AIMP1: variants seen among roughly 807,000 people sequenced by gnomAD.
The protein encoded by AIMP1 is aminoacyl tRNA synthetase complex interacting multifunctional protein 1, also known as aminoacyl tRNA synthase complex-interacting multifunctional protein 1.
AIMP1 carries 24 observed loss-of-function variants against 33.1 expected under a neutral mutation model. The observed-to-expected ratio is 0.73, with a 90% CI of 0.53 to 1.02. AIMP1 has a LOEUF of 1.02. AIMP1 is among the 50% of genes least tolerant of loss of function. AIMP1 has a pLI of 0.00. For missense variants in AIMP1, 367 were observed against 364.8 expected, an observed-to-expected ratio of 1.01 and a Z score of -0.05; for synonymous variants, 120 against 121.5, an observed-to-expected ratio of 0.99 and a Z score of 0.08.
Position 106,328,168 on chromosome 4 carries a change from T to A in AIMP1, c.316T>A (p.Ser106Thr). 6.2e-7 allele frequency: 1 copy of A among 1,613,508 alleles called. No individual in the cohort carries two copies. Among genetic ancestry groups the A allele is most frequent in the Non-Finnish European group, 8.5e-7 (1 of 1,179,674 alleles). ...VIQSTAVTTVSSGTKEQIKGG... is the reference protein window; with the variant it reads ...VIQSTAVTTVTSGTKEQIKGG... ...ACAGTCTACAGCAGTAACAACCGTA[T>A]CTTCTGGTACCAAAGAACAGATAAA... Residue 106 changes from serine to threonine, a missense_variant, in exon 4 of 7, where the codon TCT becomes ACT. By Grantham distance (58) the Ser-to-Thr change is moderately conservative. Coordinates refer to ENST00000672341, the MANE Select transcript of AIMP1 (RefSeq NM_001142416.2).
At chr4:106,342,164 A>G (rs1259389241) in intron 6 of AIMP1, among the ~76,000 whole-genome samples, 3 of 152,220 alleles carry the variant, frequency 2.0e-5, no homozygotes, top group African/African-American at 4.8e-5. Flanking sequence ...TACTAAAGTC[A>G]TTTATCAGCT....
rs1299480071 is a variant in AIMP1, at chr4:106,325,053, G to A, written c.44G>A (p.Gly15Asp). 1.2e-6 allele frequency: 2 copies of A among 1,613,076 alleles called. No homozygotes were observed. Among genetic ancestry groups the A allele is most frequent in the African/African-American group, 1.3e-5 (1 of 74,886 alleles). Residue 15 changes from glycine to aspartate, a missense_variant, in exon 2 of 7, where the codon GGT becomes GAT. Physicochemically the swap from Gly to Asp is moderately conservative, Grantham distance 94 (BLOSUM62 -1). Transcript: ENST00000672341. ...DAVLKRLEQK[G>D]AEADQIIEYL... ...GTTCTGAAGAGACTGGAGCAGAAGG[G>A]TGCAGAGGCAGATCAAATCATTGAA...
At chr4:106,345,079 A>G (rs1237575841) in intron 6 of AIMP1, among the ~76,000 whole-genome samples, 1 of 152,188 alleles carries the variant, frequency 6.6e-6, no homozygotes, top group African/African-American at 2.4e-5. Context: ...AGTAAGCACT[A>G]TATACGTGTT....
chr4:106,340,411 G>A (rs1422975093), intron 6 of AIMP1, among the ~76,000 whole-genome samples: 2 of 151,990 alleles, frequency 1.3e-5, no homozygotes, highest in Non-Finnish European at 2.9e-5. Flanking sequence ...TACCTAATAG[G>A]TAATTTTAGA....
chr4:106,347,830 A>G lies in AIMP1; in HGVS notation c.*138A>G, dbSNP rs992261459. On this transcript the variant is annotated 3_prime_UTR_variant, in exon 7 of 7. Transcript: ENST00000672341. ...AGACTTGACTAGTCATTTACTTGGTATATATTGTTTTCATTGATTGGGGAA... is the reference window on the plus strand; with the variant it reads ...AGACTTGACTAGTCATTTACTTGGTGTATATTGTTTTCATTGATTGGGGAA... The G allele has an allele frequency of 8.0e-6, 7 of 877,658 alleles. 1 individual carries two copies. Among genetic ancestry groups the G allele is most frequent in the South Asian group, 7.6e-5 (4 of 52,332 alleles). 54.4% of individuals were successfully genotyped at this position (877,658 alleles called of 1,614,324 possible). A position where few individuals can be genotyped will look rare whatever the true frequency, so the allele number is the denominator to read the frequency against.
At chr4:106,319,966 G>A (rs891906467) in intron 1 of AIMP1, among the ~76,000 whole-genome samples, 9 of 152,130 alleles carry the variant, frequency 5.9e-5, no homozygotes, top group Admixed American at 2.0e-4. Flanking sequence ...ATTACATGAG[G>A]CAAATTAATT....
intron 1 of AIMP1, among the ~76,000 whole-genome samples, chr4:106,321,095 A>C (rs1769207278): frequency 1.3e-5 from 2 of 152,284 alleles, no homozygotes; most frequent in Non-Finnish European, 2.9e-5. Flanking sequence ...TTGGCTCGCT[A>C]CAACCTCCAC....
chr4:106,316,465 A>C (rs1768889626), upstream of AIMP1: 1 of 1,370,942 alleles, frequency 7.3e-7, no homozygotes, highest in Non-Finnish European at 1.0e-6. Flanking sequence ...TGAGGGTTGA[A>C]TCTGTAGAAC....
In AIMP1 at chr4:106,325,102, A is replaced by G. The variant is rs944427175; in HGVS notation, c.93A>G (p.Leu31=). ...AATATCTTAAGCAGCAAGTTTCTCTACTTAAGGAGAAAGCAAGTAAGAAAA... is the reference window on the plus strand; with the variant it reads ...AATATCTTAAGCAGCAAGTTTCTCTGCTTAAGGAGAAAGCAAGTAAGAAAA... ...IIEYLKQQVS[L]LKEKAILQAT... The change falls in exon 2 of 7, where the codon CTA becomes CTG. Residue 31 remains leucine (L), a synonymous_variant. Transcript: ENST00000672341. 21 of 1,612,482 alleles carry G rather than the reference A, an allele frequency of 1.3e-5. No homozygotes were observed. Among genetic ancestry groups the G allele is most frequent in the African/African-American group, 4.0e-5 (3 of 74,988 alleles).
intron 5 of AIMP1, among the ~76,000 whole-genome samples, chr4:106,332,219 C>G (rs747712497): frequency 4.0e-5 from 6 of 151,734 alleles, no homozygotes; most frequent in Non-Finnish European, 8.8e-5. Flanking sequence ...TAAGTAACAA[C>G]AAAATACAAA....
chr4:106,319,295 G>C (rs900611555), intron 1 of AIMP1, among the ~76,000 whole-genome samples: 1 of 152,102 alleles, frequency 6.6e-6, no homozygotes, highest in African/African-American at 2.4e-5. Context: ...GGGTGGGGAG[G>C]ACTACTGAGG....
chr4:106,316,214 T>C, upstream of AIMP1: 2 of 239,160 alleles, frequency 8.4e-6, no homozygotes, highest in Non-Finnish European at 1.6e-5. Context: ...CCCTCTACCC[T>C]CCCCTCAGCC....
intron 6 of AIMP1, among the ~76,000 whole-genome samples, chr4:106,341,712 T>G (rs1303197549): frequency 6.6e-6 from 1 of 152,172 alleles, no homozygotes; most frequent in African/African-American, 2.4e-5. Context: ...TAGTTTGAAG[T>G]TGGGTAGTGT....
chr4:106,336,354 A>G (rs1202463175), intron 5 of AIMP1, among the ~76,000 whole-genome samples: 2 of 152,048 alleles, frequency 1.3e-5, no homozygotes, highest in African/African-American at 4.8e-5. Flanking sequence ...TTTTTTTTAA[A>G]TTAAAAAATA....
chr4:106,326,188 T>A (rs1769448104), intron 2 of AIMP1, among the ~76,000 whole-genome samples: 1 of 152,204 alleles, frequency 6.6e-6, no homozygotes, highest in African/African-American at 2.4e-5. Context: ...TGGTACTTGA[T>A]TCATAGAAAA....
rs565952125 is a variant in AIMP1 at position 106,341,168 on chromosome 4, T to C, written c.772+4131T>C. ...AGATATTAGAGTTTTGTTGGATGCA[T>C]AGTTTGCGAATATTTTTTCCCATTC... On this transcript the variant is annotated intron_variant, in intron 6 of 6. Transcript: ENST00000672341. Among the ~76,000 whole-genome samples, 3 of 152,348 alleles carry C rather than the reference T, an allele frequency of 2.0e-5. No homozygotes were observed. In the South Asian group the frequency reaches 6.2e-4, roughly 32 times the overall value.
chr4:106,334,959 T>C (rs888914744), intron 5 of AIMP1, among the ~76,000 whole-genome samples: 1 of 152,152 alleles, frequency 6.6e-6, no homozygotes, highest in African/African-American at 2.4e-5. Flanking sequence ...GAGATAAGGG[T>C]GCCAAATGTC....
chr4:106,345,159 G>A (rs1463136164), intron 6 of AIMP1, among the ~76,000 whole-genome samples: 1 of 152,126 alleles, frequency 6.6e-6, no homozygotes, highest in Admixed American at 6.6e-5. Context: ...TTAATTTTGT[G>A]CTGCATCACA....
At chr4:106,335,840 G>C (rs1331900981) in intron 5 of AIMP1, among the ~76,000 whole-genome samples, 1 of 150,824 alleles carries the variant, frequency 6.6e-6, no homozygotes, top group Non-Finnish European at 1.5e-5. Flanking sequence ...TAGTTCTCTT[G>C]TATGATTCAT....
Sources: allele counts gnomAD v4.1 joint callset (sites outside exome capture counted in the v4.1 genomes callset), GRCh38; gene constraint gnomAD v4.1.1; transcripts MANE v1.5; gene names NCBI Gene and HGNC (gene_info 2026-07-23, HGNC 2026-07-21).